Variants in SYNDIG1 observed in about 807,000 individuals in gnomAD.
SYNDIG1 encodes synapse differentiation inducing 1.
SYNDIG1 carries 9 observed loss-of-function variants against 19.4 expected under a neutral mutation model. That is an observed-to-expected ratio of 0.46 (90% confidence interval 0.28 to 0.81). The LOEUF (loss-of-function observed/expected upper bound fraction) is 0.81, where lower values mean the gene tolerates loss of function less well. SYNDIG1 is among the 30% of genes least tolerant of loss of function. The pLI is 0.12. For synonymous variants in SYNDIG1, 141 were observed against 145.9 expected (o/e 0.97, Z 0.24); for missense variants, 311 against 343.3 (o/e 0.91, Z 0.74).
At chr20:24,470,568 G>A (rs1028197351) in intron 1 of SYNDIG1, among the ~76,000 whole-genome samples, 1 of 151,526 alleles carries the variant, frequency 6.6e-6, no homozygotes, top group African/African-American at 2.5e-5. Context: ...GCCTCTTCAT[G>A]TGCACTCTCT....
At chr20:24,621,050 G>A (rs147516467) in intron 3 of SYNDIG1, among the ~76,000 whole-genome samples, 32 of 152,190 alleles carry the variant, frequency 2.1e-4, no homozygotes, top group African/African-American at 7.7e-4. Flanking sequence ...ATCTTCAGTG[G>A]GCAAAGTAAA....
intron 1 of SYNDIG1, among the ~76,000 whole-genome samples, chr20:24,476,024 C>G (rs557119714): frequency 6.2e-4 from 94 of 152,064 alleles, no homozygotes; most frequent in Non-Finnish European, 1.2e-3. Flanking sequence ...CCATGCCCGG[C>G]TAATTTTTCT....
intron 3 of SYNDIG1, among the ~76,000 whole-genome samples, chr20:24,610,370 G>C (rs1457766962): frequency 3.9e-5 from 6 of 152,212 alleles, no homozygotes; most frequent in African/African-American, 1.4e-4. Flanking sequence ...CTTCATTCCA[G>C]AGCCACCTGT....
chr20:24,655,383 G>A (rs2059514621), intron 3 of SYNDIG1, among the ~76,000 whole-genome samples: 1 of 152,142 alleles, frequency 6.6e-6, no homozygotes, highest in Admixed American at 6.5e-5. Context: ...GAAGGGAGAG[G>A]TGACAAAGTG....
chr20:24,620,791 G>GA (rs149853496), intron 3 of SYNDIG1, among the ~76,000 whole-genome samples: 4,499 of 152,262 alleles, frequency 0.03, 207 homozygotes, highest in African/African-American at 0.1. Context: ...AGGTTCATAG[G>GA]AAAATGAATA....
intron 3 of SYNDIG1, among the ~76,000 whole-genome samples, chr20:24,663,289 T>G (rs1177990204): frequency 2.6e-5 from 4 of 152,170 alleles, no homozygotes; most frequent in African/African-American, 9.7e-5. Flanking sequence ...GGTTTCTTGT[T>G]AGAGCCAAAC....
intron 2 of SYNDIG1, among the ~76,000 whole-genome samples, chr20:24,568,188 G>C (rs2058086214): frequency 6.6e-6 from 1 of 152,184 alleles, no homozygotes; most frequent in Non-Finnish European, 1.5e-5. Context: ...AGCTGGTCCA[G>C]TTTTGTGGGA....
At chr20:24,616,670 G>GTGAGGCAGCTGGACAGGGC (rs980217416) in intron 3 of SYNDIG1, among the ~76,000 whole-genome samples, 1 of 152,228 alleles carries the variant, frequency 6.6e-6, no homozygotes, top group Non-Finnish European at 1.5e-5. Flanking sequence ...GGTGCAGGGG[G>GTGAGGCAGCTGGACAGGGC]TGAGGCAGCT....
At chr20:24,591,079 CGTGTGTGTGTGTGT>C (rs55725848) in intron 3 of SYNDIG1, among the ~76,000 whole-genome samples, 2 of 149,082 alleles carry the variant, frequency 1.3e-5, no homozygotes, top group Non-Finnish European at 3.0e-5. Flanking sequence ...TTTACACCTT[CGTGTGTGTGTGTGT>C]GTGTGTGTGT....
intron 3 of SYNDIG1, among the ~76,000 whole-genome samples, chr20:24,634,980 G>A (rs1029749597): frequency 1.3e-5 from 2 of 152,186 alleles, no homozygotes; most frequent in South Asian, 2.1e-4. Context: ...AGGCATCATC[G>A]GATCCTGCAG....
intron 1 of SYNDIG1, among the ~76,000 whole-genome samples, chr20:24,497,121 C>T (rs1382055505): frequency 6.6e-6 from 1 of 152,132 alleles, no homozygotes; most frequent in Admixed American, 6.6e-5. Context: ...TGATTGATGT[C>T]CAGGCCCTGT....
chr20:24,554,243 A>G (rs568794276), intron 2 of SYNDIG1, among the ~76,000 whole-genome samples: 3 of 152,172 alleles, frequency 2.0e-5, no homozygotes, highest in African/African-American at 7.2e-5. Context: ...CAATCATGTC[A>G]TCTGCAAACA....
chr20:24,558,569 G>T (rs554563638), intron 2 of SYNDIG1, among the ~76,000 whole-genome samples: 295 of 151,586 alleles, frequency 1.9e-3, no homozygotes, highest in Non-Finnish European at 3.3e-3. Context: ...TTTGATTTTT[G>T]TTTTCTGCAT....
rs1324862486 is a variant in SYNDIG1, at chr20:24,666,533, T to A, written c.*1029T>A. ...AGTAATCACAGACATTTTAATACCA[T>A]TTCATTGCTGTTTTACGAGTGTTCA... On this transcript the variant is annotated 3_prime_UTR_variant, in exon 4 of 4. Transcript: ENST00000376862. The A allele has an allele frequency of 6.6e-6, 1 of 152,656 alleles. No homozygotes were observed. The highest frequency in any genetic ancestry group is 1.5e-5 in the Non-Finnish European group (1 of 68,034). 9.5% of individuals were successfully genotyped at this position (152,656 alleles called of 1,614,324 possible). A position where few individuals can be genotyped will look rare whatever the true frequency, so the allele number is the denominator to read the frequency against.
intron 3 of SYNDIG1, among the ~76,000 whole-genome samples, chr20:24,626,934 G>A (rs1019373596): frequency 9.2e-5 from 14 of 152,226 alleles, no homozygotes; most frequent in Non-Finnish European, 8.8e-5. Flanking sequence ...AAACCAGTCA[G>A]GCGTGGCGGC....
chr20:24,569,543 G>A (rs2058107582), intron 2 of SYNDIG1, among the ~76,000 whole-genome samples: 1 of 152,156 alleles, frequency 6.6e-6, no homozygotes, highest in East Asian at 1.9e-4. Flanking sequence ...GAAGGGGTAG[G>A]TCAAAATTTA....
At chr20:24,606,744 G>A (rs1204019766) in intron 3 of SYNDIG1, among the ~76,000 whole-genome samples, 1 of 152,178 alleles carries the variant, frequency 6.6e-6, no homozygotes, top group Non-Finnish European at 1.5e-5. Flanking sequence ...TTATGTAGGG[G>A]AGCATACAGG....
At chr20:24,487,461 A>T (rs1302339253) in intron 1 of SYNDIG1, among the ~76,000 whole-genome samples, 6 of 151,988 alleles carry the variant, frequency 3.9e-5, no homozygotes, top group Non-Finnish European at 8.8e-5. Context: ...GGCCATGCTG[A>T]GTTATCTGCT....
intron 3 of SYNDIG1, among the ~76,000 whole-genome samples, chr20:24,640,463 A>T (rs1021496561): frequency 1.3e-4 from 17 of 133,322 alleles, no homozygotes; most frequent in African/African-American, 4.9e-4. Flanking sequence ...GGAAGAAGGG[A>T]GGGAGGGAAA....
Sources: allele counts gnomAD v4.1 joint callset (sites outside exome capture counted in the v4.1 genomes callset), GRCh38; gene constraint gnomAD v4.1.1; transcripts MANE v1.5; gene names NCBI Gene and HGNC (gene_info 2026-07-23, HGNC 2026-07-21).